The following NALF1 variants were observed in gnomAD, a reference collection of about 807,000 sequenced individuals.
NALF1 encodes NALCN channel auxiliary factor 1.
In NALF1, 3 loss-of-function variants were observed where a neutral mutation model predicts 48.4. That is an observed-to-expected ratio of 0.06 (90% CI 0.03 to 0.16). The LOEUF is 0.16. NALF1 is among the 10% of genes least tolerant of loss of function. NALF1 has a pLI of 1.00. For synonymous variants in NALF1, 262 were observed against 245.7 expected (o/e 1.07, Z -0.62); for missense variants, 526 against 571.5 (o/e 0.92, Z 0.81).
intron 1 of NALF1, among the ~76,000 whole-genome samples, chr13:107,297,610 T>A (rs910298356): frequency 2.0e-5 from 3 of 152,188 alleles, no homozygotes; most frequent in Non-Finnish European, 2.9e-5. Flanking sequence ...GCTCTCAGAA[T>A]TTTTGGAGAA....
At chr13:107,334,944 T>C (rs1387685919) in intron 1 of NALF1, among the ~76,000 whole-genome samples, 1 of 152,136 alleles carries the variant, frequency 6.6e-6, no homozygotes, top group Non-Finnish European at 1.5e-5. Flanking sequence ...TTACTGCTTG[T>C]TATTGCTGGT....
intron 1 of NALF1, among the ~76,000 whole-genome samples, chr13:107,757,862 C>T (rs962840760): frequency 4.6e-5 from 7 of 152,104 alleles, no homozygotes; most frequent in African/African-American, 7.2e-5. Context: ...TCTGTCAAAT[C>T]ATCTTGAGTT....
intron 1 of NALF1, among the ~76,000 whole-genome samples, chr13:107,662,418 A>G (rs1471837885): frequency 6.6e-6 from 1 of 152,204 alleles, no homozygotes; most frequent in Non-Finnish European, 1.5e-5. Flanking sequence ...GCAGACTTTT[A>G]AAAGTATTGA....
At chr13:107,333,242 C>A (rs577163192) in intron 1 of NALF1, among the ~76,000 whole-genome samples, 1 of 152,260 alleles carries the variant, frequency 6.6e-6, no homozygotes, top group Admixed American at 6.5e-5. Context: ...CAAACTATAA[C>A]CCATGCCCAA....
intron 1 of NALF1, among the ~76,000 whole-genome samples, chr13:107,407,104 T>TA (rs1042473369): frequency 1.3e-5 from 2 of 151,872 alleles, no homozygotes; most frequent in African/African-American, 2.4e-5. Flanking sequence ...GCTCACCATA[T>TA]AAAAAATCAT....
chr13:107,277,639 G>A (rs1881307238), intron 1 of NALF1, among the ~76,000 whole-genome samples: 2 of 152,196 alleles, frequency 1.3e-5, no homozygotes, highest in South Asian at 4.1e-4. Context: ...CCAATGACTA[G>A]AAGATGAACC....
chr13:107,715,032 T>C (rs1377525448), intron 1 of NALF1, among the ~76,000 whole-genome samples: 1 of 152,050 alleles, frequency 6.6e-6, no homozygotes, highest in East Asian at 1.9e-4. Context: ...ATATAGTAGG[T>C]GTATATATTT....
At chr13:107,620,284 T>A (rs781336599) in intron 1 of NALF1, among the ~76,000 whole-genome samples, 1 of 152,178 alleles carries the variant, frequency 6.6e-6, no homozygotes, top group Admixed American at 6.5e-5. Flanking sequence ...ATACCCCTGG[T>A]ACTTAAAGCC....
At chr13:107,741,091 T>C (rs11840415) in intron 1 of NALF1, among the ~76,000 whole-genome samples, 2,849 of 152,296 alleles carry the variant, frequency 0.019, 87 homozygotes, top group African/African-American at 0.065. Flanking sequence ...TTGTGAATTA[T>C]AATACAACAA....
chr13:107,727,000 C>T (rs1401638963), intron 1 of NALF1, among the ~76,000 whole-genome samples: 2 of 141,552 alleles, frequency 1.4e-5, no homozygotes, highest in Non-Finnish European at 3.0e-5. Flanking sequence ...TTAGGAGAGA[C>T]GGGGTTTCCC....
chr13:107,657,927 C>T (rs1269064485), intron 1 of NALF1, among the ~76,000 whole-genome samples: 2 of 152,136 alleles, frequency 1.3e-5, no homozygotes, highest in Non-Finnish European at 2.9e-5. Flanking sequence ...TGGTGGTAAA[C>T]TCTGTTTTTG....
At chr13:107,376,811 T>C (rs184555760) in intron 1 of NALF1, among the ~76,000 whole-genome samples, 1 of 152,310 alleles carries the variant, frequency 6.6e-6, no homozygotes, top group East Asian at 1.9e-4. Flanking sequence ...ATCTTATATG[T>C]TTTAGACAAA....
chr13:107,676,759 C>T (rs1018208580), intron 1 of NALF1, among the ~76,000 whole-genome samples: 2 of 152,044 alleles, frequency 1.3e-5, no homozygotes, highest in African/African-American at 4.8e-5. Context: ...TGAATGCATA[C>T]ATACATATTT....
chr13:107,209,505 A>T (rs1301217508), intron 2 of NALF1, among the ~76,000 whole-genome samples: 1 of 152,160 alleles, frequency 6.6e-6, no homozygotes, highest in East Asian at 1.9e-4. Flanking sequence ...TCTCAAAAAA[A>T]AAAAAAGAAA....
intron 1 of NALF1, among the ~76,000 whole-genome samples, chr13:107,293,528 C>G (rs1881669799): frequency 6.6e-6 from 1 of 152,170 alleles, no homozygotes; most frequent in Non-Finnish European, 1.5e-5. Context: ...TGATCTCCAG[C>G]ATAGACACTA....
intron 1 of NALF1, among the ~76,000 whole-genome samples, chr13:107,691,705 G>C (rs1235421907): frequency 1.3e-5 from 2 of 152,070 alleles, no homozygotes; most frequent in African/African-American, 4.8e-5. Flanking sequence ...ACACCAATGT[G>C]AAAATGAGAA....
chr13:107,749,358 C>A (rs1876870591), intron 1 of NALF1, among the ~76,000 whole-genome samples: 1 of 152,110 alleles, frequency 6.6e-6, no homozygotes, highest in East Asian at 1.9e-4. Flanking sequence ...CCGTCACTGT[C>A]TCCTTCCATG....
At chr13:107,825,156 G>T (rs898545083) in intron 1 of NALF1, among the ~76,000 whole-genome samples, 3 of 152,114 alleles carry the variant, frequency 2.0e-5, no homozygotes, top group Non-Finnish European at 2.9e-5. Context: ...TTTGGAATGC[G>T]TTATAGTTAC....
At chr13:107,178,859 G>A (rs573773552) in intron 2 of NALF1, among the ~76,000 whole-genome samples, 1 of 151,906 alleles carries the variant, frequency 6.6e-6, no homozygotes, top group Non-Finnish European at 1.5e-5. Flanking sequence ...TCAGGAGAAT[G>A]GCGTGAACCC....
Sources: gnomAD v4.1 joint callset for allele counts (sites outside exome capture counted in the v4.1 genomes callset) on GRCh38, gnomAD v4.1.1 for gene constraint, MANE v1.5 for transcripts, NCBI Gene and HGNC (gene_info 2026-07-23, HGNC 2026-07-21) for gene names.